JHY: variants seen among roughly 807,000 people sequenced by gnomAD.
JHY encodes the protein junctional cadherin complex regulator.
JHY carries 69 observed loss-of-function variants against 78.0 expected under a neutral mutation model. That is an observed-to-expected ratio of 0.88 (90% confidence interval 0.73 to 1.08). The LOEUF is 1.08. Ranked by LOEUF, JHY falls within the 50% of genes least tolerant of loss-of-function variation. JHY has a pLI of 0.00. For synonymous variants in JHY, 368 were observed against 342.6 expected, an observed-to-expected ratio of 1.07 and a Z score of -0.82; for missense variants, 944 against 927.8, an observed-to-expected ratio of 1.02 and a Z score of -0.23.
chr11:122,897,853 T>C (rs1483607185), intron 2 of JHY, among the ~76,000 whole-genome samples: 6 of 152,178 alleles, frequency 3.9e-5, no homozygotes, highest in Non-Finnish European at 8.8e-5. Flanking sequence ...ACGGCAGAGA[T>C]GGAAACCAGA....
intron 3 of JHY, among the ~76,000 whole-genome samples, chr11:122,919,793 A>C (rs554898681): frequency 6.6e-6 from 1 of 152,350 alleles, no homozygotes; most frequent in East Asian, 1.9e-4. Flanking sequence ...AGCTTGGCTA[A>C]CATGGCGAAA....
intron 5 of JHY, among the ~76,000 whole-genome samples, chr11:122,942,512 C>T (rs1863894159): frequency 6.6e-6 from 1 of 152,160 alleles, no homozygotes; most frequent in African/African-American, 2.4e-5. Flanking sequence ...CAACCTCCAT[C>T]TCTCGGGTTC....
chr11:122,913,060 T>C (rs1863164639), intron 3 of JHY, among the ~76,000 whole-genome samples: 1 of 151,592 alleles, frequency 6.6e-6, no homozygotes, highest in East Asian at 1.9e-4. Context: ...TCAGACAGAG[T>C]AAGAACAAAG....
At chr11:122,956,306 A>G (rs1591402485) in intron 6 of JHY, among the ~76,000 whole-genome samples, 190 bp from the exon 7 acceptor site, 1 of 152,228 alleles carries the variant, frequency 6.6e-6, no homozygotes, top group African/African-American at 2.4e-5. Flanking sequence ...CGAATTACCA[A>G]AGAGACTATT....
chr11:122,956,643 T>C (rs1235407946), intron 7 of JHY, 67 bp downstream of exon 7: 13 of 1,319,394 alleles, frequency 9.9e-6, no homozygotes, highest in Admixed American at 1.9e-5. Flanking sequence ...GGAAACTTTA[T>C]GAAGACGCCC....
chr11:122,890,321 G>A (rs1398101141), intron 2 of JHY, among the ~76,000 whole-genome samples: 2 of 152,150 alleles, frequency 1.3e-5, no homozygotes, highest in Admixed American at 1.3e-4. Context: ...GGATGCAAAT[G>A]AAGCTTTAAA....
At chr11:122,920,497 A>G (rs1318291973) in intron 3 of JHY, among the ~76,000 whole-genome samples, 1 of 152,210 alleles carries the variant, frequency 6.6e-6, no homozygotes, top group Non-Finnish European at 1.5e-5. Flanking sequence ...TTATTTAAAC[A>G]TGTTTCAGTG....
rs1272803725 is a variant in JHY, at chr11:122,898,565, CTGAG to C, written c.345-5354_345-5351del. On this transcript the variant is annotated intron_variant, in intron 2 of 8. Transcript: ENST00000227349. The surrounding 1 kb of genome is among the most constrained non-coding windows in gnomAD (Gnocchi z 4.4). ...CGTGCTCCCTTTCCACATCCCACTC[CTGAG>C]TGAGTAGCAGAACAGTGATCCCCAG... 2.1e-4 allele frequency among the ~76,000 whole-genome samples: 32 copies of C among 152,182 alleles called. 1 individual carries two copies. Among genetic ancestry groups the C allele is most frequent in the Admixed American group, 2.0e-3 (30 of 15,282 alleles).
At chr11:122,895,311 T>A (rs1259728811) in intron 2 of JHY, among the ~76,000 whole-genome samples, 6 of 152,236 alleles carry the variant, frequency 3.9e-5, no homozygotes, top group Non-Finnish European at 8.8e-5. Flanking sequence ...GTACTTAAAA[T>A]GAAGTGACAA....
At chr11:122,916,858 G>A (rs1398342264) in intron 3 of JHY, among the ~76,000 whole-genome samples, 2 of 151,954 alleles carry the variant, frequency 1.3e-5, no homozygotes, top group East Asian at 3.9e-4. Context: ...TCAAACTCCT[G>A]GCCTCAAGTG....
At chr11:122,896,712 G>A (rs184005617) in intron 2 of JHY, among the ~76,000 whole-genome samples, 239 of 152,162 alleles carry the variant, frequency 1.6e-3, no homozygotes, top group Non-Finnish European at 2.8e-3. Flanking sequence ...ACACAACAAC[G>A]GTGTTATGTC....
In JHY at chr11:122,946,592, C is replaced by T; in HGVS notation, c.1729C>T (p.Gln577Ter). 6.2e-7 allele frequency: 1 copy of T among 1,614,026 alleles called. No homozygotes were observed. Residue 577 changes from glutamine to a stop codon, truncating the protein, a stop_gained, in exon 6 of 9, where the codon CAG becomes TAG. Transcript: ENST00000227349. LOFTEE classifies it high-confidence loss of function. ...IMEQHQQALV[Q>*]LTDVQPSEGA... ...GGAGCAGCATCAGCAAGCCTTGGTG[C>T]AGCTGACCGACGTGCAGCCCAGTGA...
At chr11:122,905,410 T>C in intron 3 of JHY, 2 of 1,437,502 alleles carry the variant, frequency 1.4e-6, no homozygotes, top group Middle Eastern at 2.4e-4. Flanking sequence ...GGAGAGGTTA[T>C]TATGTTAAAT....
Position 122,928,723 on chromosome 11 carries a change from A to T in JHY, c.978+3713A>T, listed in dbSNP as rs1393877688. The stretch of plus-strand genomic sequence containing the variant: ...GAGTGCAGTGGCACAATCTCGGCTC[A>T]CTGCAAGCTCCGTCTCCCGGGTTCA... On this transcript the variant is annotated intron_variant, in intron 4 of 8. Transcript: ENST00000227349. 2.0e-5 allele frequency among the ~76,000 whole-genome samples: 3 copies of T among 152,108 alleles called. No individual in the cohort carries two copies. The East Asian group carries it at 5.8e-4, about 29-fold the overall frequency.
chr11:122,950,372 A>G (rs546082318), intron 6 of JHY, among the ~76,000 whole-genome samples: 34 of 152,256 alleles, frequency 2.2e-4, no homozygotes, highest in African/African-American at 7.9e-4. Context: ...ATTACCAGGG[A>G]CTAAATTTAG....
intron 2 of JHY, among the ~76,000 whole-genome samples, chr11:122,887,997 G>C (rs995242293): frequency 6.6e-6 from 1 of 151,870 alleles, no homozygotes; most frequent in South Asian, 2.1e-4. Context: ...AGTAGAGCCC[G>C]GTCCTGAGTC....
intron 2 of JHY, among the ~76,000 whole-genome samples, chr11:122,888,466 G>A (rs1011385007): frequency 2.6e-5 from 4 of 152,042 alleles, no homozygotes; most frequent in African/African-American, 9.7e-5. Context: ...AGGAAAATGA[G>A]GCTAACAGAG....
At chr11:122,920,525 A>C (rs1863338918) in intron 3 of JHY, among the ~76,000 whole-genome samples, 1 of 152,224 alleles carries the variant, frequency 6.6e-6, no homozygotes, top group Admixed American at 6.5e-5. Context: ...ACGCGGATTC[A>C]CTGACTCACA....
rs756306125 is a variant in JHY, at chr11:122,957,495, A to T, written c.2139+4A>T. 2 of 1,532,156 alleles carry T rather than the reference A, an allele frequency of 1.3e-6. No individual in the cohort carries two copies. Among genetic ancestry groups the T allele is most frequent in the Non-Finnish European group, 1.7e-6 (2 of 1,152,096 alleles). 94.9% of individuals were successfully genotyped at this position (1,532,156 alleles called of 1,614,324 possible). A position where few individuals can be genotyped will look rare whatever the true frequency, so the allele number is the denominator to read the frequency against. On this transcript the variant is annotated splice_donor_region_variant and intron_variant, in intron 8 of 8. Transcript: ENST00000227349. ...ATCTGCTATCCCTCGGCAGAAGGTAAGAAATTCTCAACAAGGCATTTATTT... is the reference window on the plus strand; with the variant it reads ...ATCTGCTATCCCTCGGCAGAAGGTATGAAATTCTCAACAAGGCATTTATTT...
Sources: gnomAD v4.1 joint callset for allele counts (sites outside exome capture counted in the v4.1 genomes callset) on GRCh38, gnomAD v4.1.1 for gene constraint, Gnocchi (gnomAD v3.1) non-coding constraint, MANE v1.5 for transcripts, NCBI Gene and HGNC (gene_info 2026-07-23, HGNC 2026-07-21) for gene names.